The following ATAD2B variants were observed in gnomAD, a reference collection of about 807,000 sequenced individuals.
ATAD2B encodes ATPase family AAA domain containing 2B.
In ATAD2B, 40 loss-of-function variants were observed where a neutral mutation model predicts 167.6. That is an observed-to-expected ratio of 0.24 (90% confidence interval 0.19 to 0.31). The LOEUF (loss-of-function observed/expected upper bound fraction) is 0.31, where lower values mean the gene tolerates loss of function less well. ATAD2B is among the 10% of genes least tolerant of loss of function. ATAD2B has a pLI of 1.00. For synonymous variants in ATAD2B, 579 were observed against 596.5 expected (o/e 0.97, Z 0.43); for missense variants, 1,242 against 1,757.2 (o/e 0.71, Z 5.24).
chr2:23,892,019 T>A (rs1275673551), intron 2 of ATAD2B, among the ~76,000 whole-genome samples: 1 of 152,174 alleles, frequency 6.6e-6, no homozygotes, highest in African/African-American at 2.4e-5. Context: ...CTGACAGACG[T>A]CACTTAACCA....
chr2:23,875,890 T>C lies in ATAD2B; in HGVS notation c.916A>G (p.Lys306Glu). ...QAPPIVPAHQ[K>E]KRENTLFDIH... ...TCAAACAGCGTGTTTTCCCTCTTTT[T>C]TTGATGAGCTGGTACTAAAAGGGAA... Residue 306 changes from lysine (K) to glutamate (E), a missense_variant, in exon 8 of 28, where the codon AAA (lysine) becomes GAA (glutamate). Physicochemically the swap from Lys to Glu is moderately conservative, Grantham distance 56 (BLOSUM62 1). This residue lies in a region of ATAD2B where 127 missense variants were observed against 146.3 expected (regional missense o/e 0.87). Transcript: ENST00000238789. 1 of 1,606,926 alleles carries C rather than the reference T, an allele frequency of 6.2e-7. No individual in the cohort carries two copies. The highest frequency in any genetic ancestry group is 8.5e-7 in the Non-Finnish European group (1 of 1,175,528).
the ATAD2B span, chr2:23,693,201 A>T: frequency 1.3e-6 from 2 of 1,488,238 alleles, no homozygotes; most frequent in Non-Finnish European, 1.8e-6. Context: ...CTAGGGTGAC[A>T]GCAATGGGAA....
At chr2:23,740,948 C>T in the ATAD2B span, among the ~76,000 whole-genome samples, 1 of 152,164 alleles carries the variant, frequency 6.6e-6, no homozygotes, top group Admixed American at 6.5e-5. Context: ...AACTCCCATT[C>T]ACAATTGCTT....
At chr2:23,767,080 T>C (rs1677531750) in intron 22 of ATAD2B, among the ~76,000 whole-genome samples, 2 of 152,334 alleles carry the variant, frequency 1.3e-5, no homozygotes, top group East Asian at 1.9e-4. Context: ...GTTCAATTCT[T>C]TGCCTTCTAC....
In ATAD2B at chr2:23,926,892, G is replaced by A; in HGVS notation, c.-122C>T. ...GCAATGAGAGACGAGCCGGCCCGGA[G>A]CGTGCGGAGCGCAGACGAGCACAAG... On this transcript the variant is annotated 5_prime_UTR_variant, in exon 1 of 28. Coordinates refer to ENST00000238789, the MANE Select transcript of ATAD2B (RefSeq NM_017552.4). 5 of 1,220,892 alleles carry A rather than the reference G, an allele frequency of 4.1e-6. No homozygotes were observed. Among genetic ancestry groups the A allele is most frequent in the South Asian group, 3.3e-5 (2 of 60,762 alleles). The allele number at this position is 1,220,892 out of a possible 1,614,324, so 75.6% of individuals were successfully genotyped here. A position where few individuals can be genotyped will look rare whatever the true frequency, so the allele number is the denominator to read the frequency against.
chr2:23,866,120 A>G (rs1315893275), intron 10 of ATAD2B: 1 of 183,620 alleles, frequency 5.4e-6, no homozygotes. Flanking sequence ...TTAAAGAAAT[A>G]AGTGGCCTGG....
intron 22 of ATAD2B, among the ~76,000 whole-genome samples, chr2:23,766,135 C>T (rs1677379458): frequency 1.3e-5 from 2 of 151,946 alleles, no homozygotes. Context: ...TACAGAAAGA[C>T]TTTCTAAGCT....
intron 1 of ATAD2B, among the ~76,000 whole-genome samples, chr2:23,900,018 A>T (rs1395257443): frequency 6.9e-6 from 1 of 145,242 alleles, no homozygotes; most frequent in East Asian, 2.0e-4. Context: ...TCCCAGTTCA[A>T]GCAATTCTCC....
chr2:23,842,445 A>G (rs967069670), intron 13 of ATAD2B, among the ~76,000 whole-genome samples: 4 of 152,208 alleles, frequency 2.6e-5, no homozygotes, highest in Non-Finnish European at 5.9e-5. Flanking sequence ...GTGAGTAAAC[A>G]GAGACAGATG....
intron 17 of ATAD2B, among the ~76,000 whole-genome samples, chr2:23,818,104 C>CACACACACATT (rs1425493351): frequency 5.9e-5 from 2 of 33,826 alleles, no homozygotes; most frequent in Non-Finnish European, 1.3e-4. Context: ...ATTACACACA[C>CACACACACATT]ACACACACAC....
chr2:23,808,091 A>AATTATATATATAAGTAATTATATATATT (rs1684873979), intron 18 of ATAD2B, among the ~76,000 whole-genome samples: 1 of 134,932 alleles, frequency 7.4e-6, no homozygotes, highest in Non-Finnish European at 1.5e-5. Flanking sequence ...TTATATATAT[A>AATTATATATATAAGTAATTATATATATT]ATTATATATA....
chr2:23,822,812 G>C (rs1687654280), intron 16 of ATAD2B, among the ~76,000 whole-genome samples: 1 of 151,134 alleles, frequency 6.6e-6, no homozygotes, highest in Non-Finnish European at 1.5e-5. Flanking sequence ...CAGCTACTCA[G>C]GAGGCTGAGG....
chr2:23,759,808 T>C (rs1676426603), intron 24 of ATAD2B, among the ~76,000 whole-genome samples: 1 of 152,200 alleles, frequency 6.6e-6, no homozygotes, highest in Non-Finnish European at 1.5e-5. Context: ...CAGGCTCAGG[T>C]GATGGGCATT....
At chr2:23,836,183 C>T (rs1163295355) in intron 13 of ATAD2B, among the ~76,000 whole-genome samples, 1 of 152,184 alleles carries the variant, frequency 6.6e-6, no homozygotes, top group East Asian at 1.9e-4. Flanking sequence ...GTGTGAGGTC[C>T]AGCCACTGCA....
chr2:23,880,411 A>C (rs1228508526), intron 7 of ATAD2B, among the ~76,000 whole-genome samples: 1 of 151,970 alleles, frequency 6.6e-6, no homozygotes, highest in Non-Finnish European at 1.5e-5. Context: ...GATGGTCTCG[A>C]GCTCCTGACC....
chr2:23,718,813 G>T, the ATAD2B span, among the ~76,000 whole-genome samples: 1 of 152,204 alleles, frequency 6.6e-6, no homozygotes, highest in African/African-American at 2.4e-5. Flanking sequence ...GAGGCCGCGT[G>T]TACTTCCTGG....
chr2:23,692,181 T>C, the ATAD2B span, among the ~76,000 whole-genome samples: 4 of 152,368 alleles, frequency 2.6e-5, no homozygotes, highest in South Asian at 8.3e-4. Context: ...GTGCTCTGTT[T>C]GTGGGGAAAG....
At chr2:23,920,807 T>A (rs1332551931) in intron 1 of ATAD2B, among the ~76,000 whole-genome samples, 2 of 152,164 alleles carry the variant, frequency 1.3e-5, no homozygotes, top group Non-Finnish European at 2.9e-5. Flanking sequence ...AATTCCCAAT[T>A]TTTTTTACTC....
At chr2:23,741,272 T>C in the ATAD2B span, among the ~76,000 whole-genome samples, 1 of 152,288 alleles carries the variant, frequency 6.6e-6, no homozygotes, top group Admixed American at 6.5e-5. Flanking sequence ...AGAACAAAGC[T>C]GGAGGCATCA....
Sources: allele counts gnomAD v4.1 joint callset (sites outside exome capture counted in the v4.1 genomes callset), GRCh38; gene constraint gnomAD v4.1.1; regional missense constraint gnomAD v4.1.1; transcripts MANE v1.5; gene names NCBI Gene and HGNC (gene_info 2026-07-23, HGNC 2026-07-21).